The following SCHIP1 variants were observed in gnomAD, a reference collection of about 807,000 sequenced individuals.
The protein encoded by SCHIP1 is schwannomin interacting protein 1, also known as schwannomin-interacting protein 1.
SCHIP1 carries 8 observed loss-of-function variants against 29.7 expected under a neutral mutation model. The observed-to-expected ratio is 0.27, with a 90% confidence interval of 0.16 to 0.49. The LOEUF (loss-of-function observed/expected upper bound fraction) is 0.49, where lower values mean the gene tolerates loss of function less well. Among genes scored for constraint, SCHIP1 ranks in the 20% least tolerant of loss-of-function variants. The pLI, the probability that SCHIP1 is intolerant of heterozygous loss-of-function variation, is 0.99. For synonymous variants in SCHIP1, 76 were observed against 94.9 expected, an observed-to-expected ratio of 0.80 and a Z score of 1.16; for missense variants, 193 against 294.6, an observed-to-expected ratio of 0.66 and a Z score of 2.52.
chr3:159,657,340 C>T, the SCHIP1 span, among the ~76,000 whole-genome samples: 2 of 152,170 alleles, frequency 1.3e-5, no homozygotes, highest in Admixed American at 6.5e-5. Context: ...CTTGTGCAGT[C>T]ACTGTTGTGT....
the SCHIP1 span, among the ~76,000 whole-genome samples, chr3:159,690,795 G>A: frequency 6.6e-6 from 1 of 152,128 alleles, no homozygotes; most frequent in Non-Finnish European, 1.5e-5. Flanking sequence ...GGTGTGTTGT[G>A]TCTTTGTTCT....
the SCHIP1 span, among the ~76,000 whole-genome samples, chr3:159,478,944 A>G: frequency 6.6e-6 from 1 of 152,112 alleles, no homozygotes; most frequent in Admixed American, 6.6e-5. Context: ...ATCAGCTCTA[A>G]TAGGTTTTTC....
At chr3:159,535,428 T>A in the SCHIP1 span, among the ~76,000 whole-genome samples, 1 of 152,226 alleles carries the variant, frequency 6.6e-6, no homozygotes, top group Non-Finnish European at 1.5e-5. Context: ...TGGCCCAAAG[T>A]GACCCTGAGC....
At chr3:159,857,400 G>T (rs934497750) in intron 1 of SCHIP1, among the ~76,000 whole-genome samples, 3 of 152,010 alleles carry the variant, frequency 2.0e-5, no homozygotes, top group African/African-American at 7.3e-5. Context: ...TAGGCTTCCA[G>T]CTCTCCTCAT....
At chr3:159,398,908 G>C in the SCHIP1 span, 1 of 957,310 alleles carries the variant, frequency 1.0e-6, no homozygotes, top group African/African-American at 1.8e-5. Context: ...CAGACAGTCA[G>C]ATATACTATA....
chr3:159,571,403 A>G, the SCHIP1 span, among the ~76,000 whole-genome samples: 2 of 152,154 alleles, frequency 1.3e-5, no homozygotes, highest in African/African-American at 4.8e-5. Context: ...CGTTTTTATC[A>G]TTGGTTCTGT....
chr3:159,284,281 A>G, the SCHIP1 span, among the ~76,000 whole-genome samples: 5 of 152,272 alleles, frequency 3.3e-5, no homozygotes, highest in South Asian at 1.0e-3. Context: ...TTACTTTCCA[A>G]GATATATAAG....
At chr3:159,639,128 G>A in the SCHIP1 span, among the ~76,000 whole-genome samples, 1 of 151,942 alleles carries the variant, frequency 6.6e-6, no homozygotes, top group Non-Finnish European at 1.5e-5. Context: ...AGTCAGTTTT[G>A]CCTTTTTCTG....
At chr3:159,763,147 G>A in the SCHIP1 span, among the ~76,000 whole-genome samples, 1 of 152,196 alleles carries the variant, frequency 6.6e-6, no homozygotes, top group African/African-American at 2.4e-5. Flanking sequence ...GCCTGAACTT[G>A]GAAGGGGATG....
the SCHIP1 span, chr3:159,763,695 G>GGCGGTGACGGCGCCT: frequency 6.6e-6 from 1 of 152,254 alleles, no homozygotes; most frequent in Non-Finnish European, 1.5e-5. Flanking sequence ...CCTCCCCTAG[G>GGCGGTGACGGCGCCT]GCGGTGACGG....
At chr3:159,653,675 G>A in the SCHIP1 span, among the ~76,000 whole-genome samples, 7 of 151,018 alleles carry the variant, frequency 4.6e-5, no homozygotes, top group South Asian at 2.1e-4. Flanking sequence ...TGATAGGTGC[G>A]GCAAACCACC....
chr3:159,640,718 C>G, the SCHIP1 span, among the ~76,000 whole-genome samples: 2 of 152,226 alleles, frequency 1.3e-5, no homozygotes, highest in African/African-American at 4.8e-5. Context: ...GAGGCTGTCT[C>G]CCCAAAACAC....
At chr3:159,402,366 G>A in the SCHIP1 span, among the ~76,000 whole-genome samples, 29 of 152,216 alleles carry the variant, frequency 1.9e-4, no homozygotes, top group African/African-American at 5.8e-4. Flanking sequence ...TGTGGAAGTC[G>A]GTGTGGCGAT....
At chr3:159,501,448 T>A in the SCHIP1 span, among the ~76,000 whole-genome samples, 1 of 152,204 alleles carries the variant, frequency 6.6e-6, no homozygotes, top group South Asian at 2.1e-4. Context: ...AAGAACATGA[T>A]GGAGACTTGC....
the SCHIP1 span, among the ~76,000 whole-genome samples, chr3:159,625,478 T>C: frequency 7.8e-3 from 1,190 of 152,292 alleles, 14 homozygotes; most frequent in African/African-American, 0.024. Flanking sequence ...AACAGCATTG[T>C]TCTGTCCTCT....
chr3:159,837,486 G>A (rs1743774745), upstream of SCHIP1, among the ~76,000 whole-genome samples: 5 of 152,284 alleles, frequency 3.3e-5, no homozygotes, highest in South Asian at 1.0e-3. Context: ...ACTTTGGTAG[G>A]CCAAGGTGGT....
chr3:159,507,188 T>C, the SCHIP1 span, among the ~76,000 whole-genome samples: 1 of 152,198 alleles, frequency 6.6e-6, no homozygotes, highest in African/African-American at 2.4e-5. Context: ...TTCACATCCC[T>C]TGTAAGTTGA....
chr3:159,891,964 G>T (rs771806679), intron 5 of SCHIP1, 133 bp from the exon 7 acceptor site: 2 of 967,868 alleles, frequency 2.1e-6, no homozygotes, highest in South Asian at 2.0e-5. Context: ...TGCAACATAC[G>T]ATGTCTAACC....
At chr3:159,389,300 A>G in the SCHIP1 span, among the ~76,000 whole-genome samples, 4 of 152,098 alleles carry the variant, frequency 2.6e-5, no homozygotes, top group Non-Finnish European at 5.9e-5. Flanking sequence ...TTTATTTTAT[A>G]TATTTTTTCC....
Sources: gnomAD v4.1 joint callset for allele counts (sites outside exome capture counted in the v4.1 genomes callset) on GRCh38, gnomAD v4.1.1 for gene constraint, MANE v1.5 for transcripts, NCBI Gene and HGNC (gene_info 2026-07-23, HGNC 2026-07-21) for gene names.